USP43: variants seen among roughly 807,000 people sequenced by gnomAD.
The protein encoded by USP43 is ubiquitin carboxyl-terminal hydrolase 43.
Under a neutral mutation model 90.7 loss-of-function variants are expected in USP43, and 33 were observed. The ratio of observed to expected loss-of-function variants is 0.36; its 90% CI spans 0.28 to 0.49. The LOEUF (loss-of-function observed/expected upper bound fraction) is 0.49, where lower values mean the gene tolerates loss of function less well. Ranked by LOEUF, USP43 falls within the 20% of genes least tolerant of loss-of-function variation. USP43 has a pLI of 0.98. For missense variants in USP43, 1,274 were observed against 1,476.4 expected (o/e 0.86, Z 2.25); for synonymous variants, 598 against 615.8 (o/e 0.97, Z 0.43).
At chr17:9,708,811 T>C (rs1001366433) in intron 12 of USP43, among the ~76,000 whole-genome samples, 16 of 152,096 alleles carry the variant, frequency 1.1e-4, no homozygotes, top group Admixed American at 6.6e-5. Flanking sequence ...GTATTTTTAA[T>C]AGAGACGGGG....
intron 7 of USP43, among the ~76,000 whole-genome samples, chr17:9,684,253 G>A (rs1321679803): frequency 1.3e-5 from 2 of 152,100 alleles, no homozygotes; most frequent in Non-Finnish European, 2.9e-5. Flanking sequence ...TAAAGGAAAA[G>A]GCTGATGTTT....
chr17:9,653,991 C>A (rs989059617), intron 1 of USP43, among the ~76,000 whole-genome samples: 1 of 151,884 alleles, frequency 6.6e-6, no homozygotes, highest in Non-Finnish European at 1.5e-5. Flanking sequence ...AACAGCTGAC[C>A]GATATGAAGG....
At chr17:9,658,404 T>C (rs563676238) in intron 2 of USP43, among the ~76,000 whole-genome samples, 1 of 152,346 alleles carries the variant, frequency 6.6e-6, no homozygotes, top group African/African-American at 2.4e-5. Context: ...ATGGTCCATG[T>C]ATCAGAGAGA....
intron 14 of USP43, among the ~76,000 whole-genome samples, chr17:9,715,178 G>A (rs1916431678): frequency 6.6e-6 from 1 of 152,196 alleles, no homozygotes; most frequent in African/African-American, 2.4e-5. Flanking sequence ...AAGTCCTTAA[G>A]GCTGAGCGTT....
chr17:9,646,024 T>C lies in USP43; in HGVS notation c.392T>C (p.Leu131Pro). The change falls in exon 1 of 15, where the codon CTG becomes CCG. Residue 131 changes from leucine to proline, a missense_variant. This residue lies in a region of USP43 where 259 missense variants were observed against 373.7 expected (regional missense o/e 0.69). Transcript: ENST00000285199. ...GACCTGCTGGCCGAGTTCCTGGCGC[T>C]GGGGCGCTACCGGGCGGCTCCGGGC... ...NTDLLAEFLA[L>P]GRYRAAPGRA... 1 of 1,488,526 alleles carries C rather than the reference T, an allele frequency of 6.7e-7. No homozygotes were observed. The highest frequency in any genetic ancestry group is 8.9e-7 in the Non-Finnish European group (1 of 1,121,460). 92.2% of individuals were successfully genotyped at this position (1,488,526 alleles called of 1,614,324 possible).
chr17:9,726,830 C>T (rs1450755422), intron 14 of USP43, among the ~76,000 whole-genome samples: 1 of 152,208 alleles, frequency 6.6e-6, no homozygotes, highest in African/African-American at 2.4e-5. Context: ...GTGTGACTGT[C>T]CTTGCGCCAT....
At chr17:9,677,626 G>A (rs1364955254) in intron 5 of USP43, among the ~76,000 whole-genome samples, 1 of 152,218 alleles carries the variant, frequency 6.6e-6, no homozygotes, top group Non-Finnish European at 1.5e-5. Context: ...CAGGATGGGA[G>A]CGGCCCTCAG....
At position 9,645,840 on chromosome 17, in the gene USP43, G is replaced by A; in HGVS notation, c.208G>A (p.Ala70Thr). Residue 70 changes from alanine to threonine, a missense_variant, in exon 1 of 15, where the codon GCG (alanine) becomes ACG (threonine). Physicochemically the swap from Ala to Thr is moderately conservative, Grantham distance 58 (BLOSUM62 0). Coordinates refer to ENST00000285199, the MANE Select transcript of USP43 (RefSeq NM_153210.5). The surrounding 1 kb of genome is among the most constrained non-coding windows in gnomAD (Gnocchi z 6.8). ...GFACAPGPVP[A>T]APGSPGEERP... ...CGCCTGCGCCCCGGGCCCAGTTCCA[G>A]CGGCCCCCGGGAGCCCCGGGGAGGA... The A allele has an allele frequency of 7.1e-7, 1 of 1,402,858 alleles. No homozygotes were observed. The highest frequency in any genetic ancestry group is 3.1e-5 in the East Asian group (1 of 32,682). The allele number at this position is 1,402,858 out of a possible 1,614,324, so 86.9% of individuals were successfully genotyped here.
At position 9,674,874 on chromosome 17, in the gene USP43, G is replaced by A; in HGVS notation, c.741-17G>A. Reference sequence around the variant, plus strand: ...TACGTGTGATTAAACGTTCGCCTCTGTTCTTCACCCTCACAGATCTTCCTT... The same window carrying A: ...TACGTGTGATTAAACGTTCGCCTCTATTCTTCACCCTCACAGATCTTCCTT... On this transcript the variant is annotated splice_polypyrimidine_tract_variant and intron_variant, in intron 3 of 14. Coordinates refer to ENST00000285199, the MANE Select transcript of USP43 (RefSeq NM_153210.5). The surrounding 1 kb of genome is among the most constrained non-coding windows in gnomAD (Gnocchi z 4.4). 2.5e-6 allele frequency: 4 copies of A among 1,610,672 alleles called. No individual in the cohort carries two copies. The highest frequency in any genetic ancestry group is 3.4e-6 in the Non-Finnish European group (4 of 1,176,950).
intron 9 of USP43, 134 bp downstream of exon 9, chr17:9,693,364 G>A (rs1045985281): frequency 1.1e-5 from 8 of 719,224 alleles, no homozygotes; most frequent in Middle Eastern, 3.4e-4. Flanking sequence ...AGTACCAGCC[G>A]CTATGTTAGG....
chr17:9,681,749 C>T (rs532120143), intron 6 of USP43, among the ~76,000 whole-genome samples: 6 of 151,894 alleles, frequency 4.0e-5, no homozygotes, highest in Admixed American at 1.3e-4. Flanking sequence ...CTGCCTCAGC[C>T]TCCGAAAGTC....
intron 1 of USP43, among the ~76,000 whole-genome samples, chr17:9,649,705 G>GT (rs1911726942): frequency 6.9e-6 from 1 of 144,376 alleles, no homozygotes; most frequent in Admixed American, 6.9e-5. Context: ...AAGTTAAAAT[G>GT]TAGAAAAAAA....
rs377454661 is a variant in USP43 at position 9,658,466 on chromosome 17, C to G, written c.636+1932C>G. ...CTAAGTAAAGGACAGAGTCAGGATT[C>G]AAGCCCAGGGGGGTCTGGTTTGAAA... On this transcript the variant is annotated intron_variant, in intron 2 of 14. Coordinates refer to ENST00000285199, the MANE Select transcript of USP43 (RefSeq NM_153210.5). 7.0e-4 allele frequency among the ~76,000 whole-genome samples: 107 copies of G among 152,290 alleles called. No homozygotes were observed. The South Asian group carries it at 0.012, about 17-fold the overall frequency.
intron 1 of USP43, among the ~76,000 whole-genome samples, chr17:9,651,024 C>G (rs1159615506): frequency 6.6e-6 from 1 of 152,092 alleles, no homozygotes; most frequent in African/African-American, 2.4e-5. Context: ...TTATATTGCT[C>G]TTGTGCCTTT....
chr17:9,679,882 C>A (rs964677024), intron 5 of USP43, among the ~76,000 whole-genome samples: 1 of 152,116 alleles, frequency 6.6e-6, no homozygotes, highest in Non-Finnish European at 1.5e-5. Context: ...TATGCAATCA[C>A]GTGAAAAAGG....
intron 8 of USP43, among the ~76,000 whole-genome samples, chr17:9,691,419 C>T (rs11869119): frequency 1.3e-4 from 20 of 151,994 alleles, no homozygotes; most frequent in African/African-American, 4.8e-4. Flanking sequence ...CGCTGGGCTG[C>T]CTTCATTTTT....
At chr17:9,702,331 C>T (rs569153395) in intron 12 of USP43, among the ~76,000 whole-genome samples, 167 of 152,304 alleles carry the variant, frequency 1.1e-3, no homozygotes, top group African/African-American at 3.8e-3. Flanking sequence ...GCCTGGGCAA[C>T]AGAGCGAGAC....
At chr17:9,645,387 G>C (rs2151957107), upstream of USP43, 1 of 266,610 alleles carries the variant, frequency 3.8e-6, no homozygotes, top group South Asian at 1.7e-4. This position sits in a 1 kb window ranked among gnomAD's most constrained non-coding sequence, Gnocchi z 6.8. Context: ...CCCAGTCAGC[G>C]CAGCGGGGGC....
At chr17:9,646,620 G>T (rs1227950784) in intron 1 of USP43, among the ~76,000 whole-genome samples, 1 of 152,170 alleles carries the variant, frequency 6.6e-6, no homozygotes, top group Non-Finnish European at 1.5e-5. Context: ...AAGTACAATT[G>T]CCATAGACCC....
Sources: allele counts gnomAD v4.1 joint callset (sites outside exome capture counted in the v4.1 genomes callset), GRCh38; gene constraint gnomAD v4.1.1; regional missense constraint gnomAD v4.1.1; non-coding constraint Gnocchi (gnomAD v3.1); transcripts MANE v1.5; gene names NCBI Gene and HGNC (gene_info 2026-07-23, HGNC 2026-07-21).